The following ZNF503 variants were observed in gnomAD, a reference collection of about 807,000 sequenced individuals.
ZNF503 encodes the protein NocA-like zinc finger 2.
Under a neutral mutation model 34.4 loss-of-function variants are expected in ZNF503, and 15 were observed. The observed-to-expected ratio is 0.44, with a 90% CI of 0.29 to 0.67. The LOEUF (loss-of-function observed/expected upper bound fraction) is 0.67. Ranked by LOEUF, ZNF503 falls within the 30% of genes least tolerant of loss-of-function variation. The probability of loss-of-function intolerance (pLI) is 0.13; values close to 1 mark genes in which losing one functional copy is unlikely to be tolerated. For synonymous variants in ZNF503, 580 were observed against 456.8 expected, an observed-to-expected ratio of 1.27 and a Z score of -3.44; for missense variants, 1,007 against 926.8, an observed-to-expected ratio of 1.09 and a Z score of -1.12.
At chr10:75,334,979 G>A in the ZNF503 span, among the ~76,000 whole-genome samples, 1,445 of 152,296 alleles carry the variant, frequency 9.5e-3, 28 homozygotes, top group African/African-American at 0.033. Context: ...GTTTTGGCAA[G>A]GAGGTCGGTC....
chr10:75,320,588 T>C, the ZNF503 span, among the ~76,000 whole-genome samples: 1 of 152,156 alleles, frequency 6.6e-6, no homozygotes, highest in African/African-American at 2.4e-5. Flanking sequence ...GAGGCCAAGA[T>C]GGGAGGATCA....
the ZNF503 span, among the ~76,000 whole-genome samples, chr10:75,300,436 G>C: frequency 6.6e-6 from 1 of 152,068 alleles, no homozygotes. Flanking sequence ...CGAAAATGAC[G>C]GGATTAAGGG....
chr10:75,349,661 C>T, the ZNF503 span, among the ~76,000 whole-genome samples: 5 of 152,150 alleles, frequency 3.3e-5, no homozygotes, highest in Admixed American at 6.5e-5. Flanking sequence ...CCATTGCAGC[C>T]GACTACTGTA....
At chr10:75,367,670 G>A in the ZNF503 span, among the ~76,000 whole-genome samples, 1 of 152,192 alleles carries the variant, frequency 6.6e-6, no homozygotes, top group Non-Finnish European at 1.5e-5. Context: ...GCAGCGATTT[G>A]CATATAATAT....
the ZNF503 span, among the ~76,000 whole-genome samples, chr10:75,328,315 A>G: frequency 6.6e-6 from 1 of 152,188 alleles, no homozygotes; most frequent in Non-Finnish European, 1.5e-5. Flanking sequence ...GCATGTGGAT[A>G]TCTAGTTTTC....
At chr10:75,396,348 G>T (rs1253333550), downstream of ZNF503, among the ~76,000 whole-genome samples, 1 of 152,314 alleles carries the variant, frequency 6.6e-6, no homozygotes, top group Non-Finnish European at 1.5e-5. This position sits in a 1 kb window ranked among gnomAD's most constrained non-coding sequence, Gnocchi z 4.4. Flanking sequence ...TCAGGGTCGG[G>T]GGTGTGGAGA....
the ZNF503 span, among the ~76,000 whole-genome samples, chr10:75,289,974 T>G: frequency 6.6e-6 from 1 of 152,136 alleles, no homozygotes; most frequent in African/African-American, 2.4e-5. Flanking sequence ...AAACAGAAAC[T>G]CTGTACCCAC....
the ZNF503 span, among the ~76,000 whole-genome samples, chr10:75,390,612 A>C: frequency 5.9e-5 from 9 of 152,226 alleles, no homozygotes; most frequent in African/African-American, 2.2e-4. Flanking sequence ...TTTATCAACA[A>C]GAATTTGTGT....
chr10:75,400,286 G>A lies in ZNF503; in HGVS notation c.404C>T (p.Ser135Phe), dbSNP rs1843775864. Residue 135 changes from serine (S) to phenylalanine (F), a missense_variant, in exon 2 of 2, where the codon TCC becomes TTC. Coordinates refer to ENST00000372524, the MANE Select transcript of ZNF503 (RefSeq NM_032772.6). ...KPDPSPSSKL[S>F]SVASNGGGAG... is the part of the protein sequence containing the mutation. ...GCCGCCCCCGTTGGAGGCAACCGAGGAGAGTTTGGAGGAGGGCGAGGGGTC... is the reference window on the plus strand; with the variant it reads ...GCCGCCCCCGTTGGAGGCAACCGAGAAGAGTTTGGAGGAGGGCGAGGGGTC... 6.2e-7 allele frequency: 1 copy of A among 1,613,420 alleles called. No homozygotes were observed. The highest frequency in any genetic ancestry group is 8.5e-7 in the Non-Finnish European group (1 of 1,179,826).
the ZNF503 span, among the ~76,000 whole-genome samples, chr10:75,293,421 G>A: frequency 6.6e-6 from 1 of 152,178 alleles, no homozygotes; most frequent in Non-Finnish European, 1.5e-5. Flanking sequence ...ATGACCCTGT[G>A]CCATGAGGAG....
At chr10:75,396,703 G>T (rs1282999052), downstream of ZNF503, among the ~76,000 whole-genome samples, 1 of 152,014 alleles carries the variant, frequency 6.6e-6, no homozygotes, top group Non-Finnish European at 1.5e-5. The surrounding 1 kb of genome is among the most constrained non-coding windows in gnomAD (Gnocchi z 4.4). Flanking sequence ...TTTGGGGTGC[G>T]CTCTCAGAGC....
the ZNF503 span, among the ~76,000 whole-genome samples, chr10:75,347,242 A>ACTAT: frequency 6.5e-4 from 99 of 152,366 alleles, no homozygotes; most frequent in Admixed American, 1.8e-3. Context: ...CAGAGATGTG[A>ACTAT]CTATGTTCAT....
chr10:75,367,405 G>A, the ZNF503 span, among the ~76,000 whole-genome samples: 20 of 152,294 alleles, frequency 1.3e-4, no homozygotes, highest in African/African-American at 4.8e-4. Flanking sequence ...GCACAATGGC[G>A]CTCCGGAGAC....
the ZNF503 span, among the ~76,000 whole-genome samples, chr10:75,290,398 G>C: frequency 6.6e-6 from 1 of 152,298 alleles, no homozygotes; most frequent in East Asian, 1.9e-4. Context: ...TGAACTCTCT[G>C]TACAAGCTAG....
At chr10:75,353,377 C>T in the ZNF503 span, among the ~76,000 whole-genome samples, 5 of 152,182 alleles carry the variant, frequency 3.3e-5, no homozygotes, top group African/African-American at 9.6e-5. Flanking sequence ...GCTGACCCTG[C>T]GGAGACCTTT....
the ZNF503 span, among the ~76,000 whole-genome samples, chr10:75,383,203 A>G: frequency 6.6e-6 from 1 of 152,052 alleles, no homozygotes; most frequent in Non-Finnish European, 1.5e-5. Flanking sequence ...TTTTTCTCAA[A>G]CGGATTCTTC....
chr10:75,396,242 A>T (rs1027160058), downstream of ZNF503, among the ~76,000 whole-genome samples: 3 of 152,154 alleles, frequency 2.0e-5, no homozygotes, highest in Non-Finnish European at 1.5e-5. This position sits in a 1 kb window ranked among gnomAD's most constrained non-coding sequence, Gnocchi z 4.4. Flanking sequence ...CGGCGGGACC[A>T]GAGTGGGACC....
the ZNF503 span, among the ~76,000 whole-genome samples, chr10:75,320,389 G>C: frequency 6.6e-6 from 1 of 152,176 alleles, no homozygotes; most frequent in Non-Finnish European, 1.5e-5. Flanking sequence ...GCTGAGACAG[G>C]AGAATCACTT....
the ZNF503 span, among the ~76,000 whole-genome samples, chr10:75,295,156 C>G: frequency 4.0e-5 from 6 of 151,746 alleles, no homozygotes; most frequent in Non-Finnish European, 8.8e-5. This position sits in a 1 kb window ranked among gnomAD's most constrained non-coding sequence, Gnocchi z 4.0. Context: ...CCTGTCACGC[C>G]GGGCCCGCGA....
Sources: allele counts gnomAD v4.1 joint callset (sites outside exome capture counted in the v4.1 genomes callset), GRCh38; gene constraint gnomAD v4.1.1; non-coding constraint Gnocchi (gnomAD v3.1); transcripts MANE v1.5; gene names NCBI Gene and HGNC (gene_info 2026-07-23, HGNC 2026-07-21).